The following LRRC4C variants were observed in gnomAD, a reference collection of about 807,000 sequenced individuals.
The protein encoded by LRRC4C is leucine rich repeat containing 4C.
LRRC4C carries 5 observed loss-of-function variants against 33.6 expected under a neutral mutation model. The ratio of observed to expected loss-of-function variants is 0.15; its 90% CI spans 0.08 to 0.31. LRRC4C has a LOEUF of 0.31. Ranked by LOEUF, LRRC4C falls within the 10% of genes least tolerant of loss-of-function variation. LRRC4C has a pLI of 1.00. For missense variants in LRRC4C, 560 were observed against 796.7 expected, an observed-to-expected ratio of 0.70 and a Z score of 3.58; for synonymous variants, 329 against 302.0, an observed-to-expected ratio of 1.09 and a Z score of -0.93.
At position 40,272,056 on chromosome 11, in the gene LRRC4C, C is replaced by T. The variant is rs185417775; in HGVS notation, c.-175-30458G>A. Among the ~76,000 whole-genome samples, 12 of 152,230 alleles carry T rather than the reference C, an allele frequency of 7.9e-5. No homozygotes were observed. The East Asian group carries it at 2.1e-3, about 27-fold the overall frequency. On this transcript the variant is annotated intron_variant, in intron 4 of 6. Coordinates refer to ENST00000528697, the MANE Select transcript of LRRC4C (RefSeq NM_001258419.2). ...ATCCATATCTGCACATTACATTGAACATTCTCCAAATTGAACAGAAATGAA... is the reference window on the plus strand; with the variant it reads ...ATCCATATCTGCACATTACATTGAATATTCTCCAAATTGAACAGAAATGAA...
chr11:41,132,990 A>T (rs1005742905), intron 1 of LRRC4C, among the ~76,000 whole-genome samples: 1 of 152,154 alleles, frequency 6.6e-6, no homozygotes, highest in Non-Finnish European at 1.5e-5. Flanking sequence ...TGTGATAGAG[A>T]TCACAATTTT....
chr11:41,323,147 A>T (rs1951006951), intron 1 of LRRC4C, among the ~76,000 whole-genome samples: 1 of 152,200 alleles, frequency 6.6e-6, no homozygotes, highest in African/African-American at 2.4e-5. Flanking sequence ...TCCTGTTTAC[A>T]AACATTTACA....
intron 2 of LRRC4C, among the ~76,000 whole-genome samples, chr11:40,684,411 A>T (rs879568661): frequency 7.9e-5 from 12 of 152,056 alleles, no homozygotes. Flanking sequence ...GAAGATAGAG[A>T]TAAGGAAGTA....
At chr11:41,137,823 C>T (rs1188942398) in intron 1 of LRRC4C, among the ~76,000 whole-genome samples, 1 of 152,152 alleles carries the variant, frequency 6.6e-6, no homozygotes, top group Non-Finnish European at 1.5e-5. Flanking sequence ...GAGCTTTACT[C>T]TAAAAATATC....
At chr11:40,946,861 C>T (rs1958427412) in intron 1 of LRRC4C, among the ~76,000 whole-genome samples, 1 of 152,076 alleles carries the variant, frequency 6.6e-6, no homozygotes, top group Admixed American at 6.6e-5. Context: ...TGACCACACG[C>T]TCAACCATAA....
rs192243787 is a variant in LRRC4C at position 40,541,978 on chromosome 11, C to T, written c.-270+106164G>A. ...TTGACTCTTCTTTTTCTGCTAGACC[C>T]AAAGAATTACCAAATAACATTGACC... On this transcript the variant is annotated intron_variant, in intron 3 of 6. Transcript: ENST00000528697. Among the ~76,000 whole-genome samples the T allele has an allele frequency of 3.3e-3, 500 of 152,162 alleles. 4 individuals carry two copies. Among genetic ancestry groups the T allele is most frequent in the African/African-American group, 0.012 (486 of 41,546 alleles).
intron 2 of LRRC4C, among the ~76,000 whole-genome samples, chr11:40,765,318 C>T (rs766409981): frequency 5.9e-5 from 9 of 152,150 alleles, no homozygotes; most frequent in Non-Finnish European, 1.3e-4. Flanking sequence ...TTCTTCTTCT[C>T]CAGCCATGTA....
intron 4 of LRRC4C, among the ~76,000 whole-genome samples, chr11:40,276,324 A>G (rs1042738632): frequency 6.6e-6 from 1 of 152,156 alleles, no homozygotes; most frequent in Non-Finnish European, 1.5e-5. Flanking sequence ...GCCAGCCCTA[A>G]GGGACAGAAA....
At chr11:41,399,071 G>A (rs1489216568) in intron 1 of LRRC4C, among the ~76,000 whole-genome samples, 2 of 151,914 alleles carry the variant, frequency 1.3e-5, no homozygotes, top group Admixed American at 1.3e-4. Flanking sequence ...ACTGACCAAA[G>A]CATCTGAAAT....
chr11:41,150,249 A>T (rs933570923), intron 1 of LRRC4C, among the ~76,000 whole-genome samples: 1 of 152,202 alleles, frequency 6.6e-6, no homozygotes, highest in East Asian at 1.9e-4. Context: ...TGTATTCTAC[A>T]TATCTGTCTA....
In LRRC4C at chr11:40,823,650, C is replaced by T. The variant is rs180799344; in HGVS notation, c.-407+109985G>A. Among the ~76,000 whole-genome samples the T allele has an allele frequency of 2.6e-5, 4 of 151,704 alleles. No individual in the cohort carries two copies. The East Asian group carries it at 7.8e-4, about 29-fold the overall frequency. On this transcript the variant is annotated intron_variant, in intron 2 of 6. Transcript: ENST00000528697. ...GCAAATCAAAAATACAATGAAATACCACAGCACAGCTTCTAACAAAAACGA... is the reference window on the plus strand; with the variant it reads ...GCAAATCAAAAATACAATGAAATACTACAGCACAGCTTCTAACAAAAACGA...
intron 3 of LRRC4C, among the ~76,000 whole-genome samples, chr11:40,331,858 T>C (rs1946377942): frequency 6.6e-6 from 1 of 152,202 alleles, no homozygotes; most frequent in Admixed American, 6.5e-5. Flanking sequence ...AGGCAGCATA[T>C]TGTGGTACTT....
intron 4 of LRRC4C, among the ~76,000 whole-genome samples, chr11:40,291,110 C>T (rs577054333): frequency 1.3e-5 from 2 of 151,906 alleles, no homozygotes; most frequent in Admixed American, 6.5e-5. Flanking sequence ...TCTTCTGGCT[C>T]GAAAGTTATA....
intron 3 of LRRC4C, among the ~76,000 whole-genome samples, chr11:40,359,686 A>C (rs1312990798): frequency 6.6e-6 from 1 of 152,152 alleles, no homozygotes; most frequent in Admixed American, 6.5e-5. Flanking sequence ...CCCAGTTGCT[A>C]CAGGATATTA....
At chr11:40,911,265 A>T (rs1956667279) in intron 2 of LRRC4C, among the ~76,000 whole-genome samples, 1 of 152,008 alleles carries the variant, frequency 6.6e-6, no homozygotes, top group Admixed American at 6.6e-5. Context: ...GGGTCCCTGA[A>T]CCCCGAGTAG....
chr11:40,382,348 CT>C (rs917365984), intron 3 of LRRC4C, among the ~76,000 whole-genome samples: 1 of 150,924 alleles, frequency 6.6e-6, no homozygotes, highest in Non-Finnish European at 1.5e-5. Flanking sequence ...TGGCCTTTTC[CT>C]TTTTTTAAAA....
chr11:40,981,845 A>G (rs1324066668), intron 1 of LRRC4C, among the ~76,000 whole-genome samples: 1 of 152,254 alleles, frequency 6.6e-6, no homozygotes, highest in Non-Finnish European at 1.5e-5. Flanking sequence ...ATAAGTAATG[A>G]GAATCTTTAT....
rs143163705 is a variant in LRRC4C, at chr11:41,249,028, G to C, written c.-496+210403C>G. ...AGCCACTGTTATCTCCCTGGTTTAA[G>C]ATACTGTCTTCTTTTTTTTTTTTTG... is the stretch of plus-strand genomic sequence containing the variant. On this transcript the variant is annotated intron_variant, in intron 1 of 6. Coordinates refer to ENST00000528697, the MANE Select transcript of LRRC4C (RefSeq NM_001258419.2). Among the ~76,000 whole-genome samples the C allele has an allele frequency of 4.3e-3, 639 of 150,240 alleles. 5 individuals carry two copies. The highest frequency in any genetic ancestry group is 0.014 in the African/African-American group (559 of 40,812).
intron 1 of LRRC4C, among the ~76,000 whole-genome samples, chr11:40,952,829 C>T (rs1474643121): frequency 1.3e-5 from 2 of 150,382 alleles, no homozygotes; most frequent in Non-Finnish European, 3.0e-5. Context: ...GTCCCTCACA[C>T]ACACCTCTGT....
Sources: allele counts gnomAD v4.1 joint callset (sites outside exome capture counted in the v4.1 genomes callset), GRCh38; gene constraint gnomAD v4.1.1; transcripts MANE v1.5; gene names NCBI Gene and HGNC (gene_info 2026-07-23, HGNC 2026-07-21).